PALS1: variants seen among roughly 807,000 people sequenced by gnomAD.
The protein encoded by PALS1 is protein associated with LIN7 1, MAGUK p55 family member, also known as protein PALS1.
In PALS1, 31 loss-of-function variants were observed where a neutral mutation model predicts 78.9. The ratio of observed to expected loss-of-function variants is 0.39; its 90% confidence interval spans 0.30 to 0.53. The LOEUF is 0.53. PALS1 is among the 20% of genes least tolerant of loss of function. PALS1 has a pLI of 0.67. For missense variants in PALS1, 704 were observed against 826.5 expected, an observed-to-expected ratio of 0.85 and a Z score of 1.82; for synonymous variants, 276 against 270.9, an observed-to-expected ratio of 1.02 and a Z score of -0.18.
rs2084540637 is a variant in PALS1 at position 67,278,322 on chromosome 14, C to T, written c.-153-696C>T. Among the ~76,000 whole-genome samples the T allele has an allele frequency of 2.0e-5, 3 of 151,652 alleles. No individual in the cohort carries two copies. In the South Asian group the frequency reaches 6.2e-4, roughly 32 times the overall value. On this transcript the variant is annotated intron_variant, in intron 2 of 14. Transcript: ENST00000261681. ...AAGTGCTGGGATTACAGGCGTGAGCCACTGCACCCGGCCCAATTCTTTTTT... is the reference window on the plus strand; with the variant it reads ...AAGTGCTGGGATTACAGGCGTGAGCTACTGCACCCGGCCCAATTCTTTTTT...
intron 8 of PALS1, among the ~76,000 whole-genome samples, chr14:67,309,876 T>C (rs990819730): frequency 6.6e-6 from 1 of 152,120 alleles, no homozygotes; most frequent in African/African-American, 2.4e-5. Context: ...AGAAAGTGAT[T>C]TGATAAAATT....
chr14:67,319,561 T>G (rs2085229836), intron 11 of PALS1, among the ~76,000 whole-genome samples: 1 of 150,380 alleles, frequency 6.6e-6, no homozygotes, highest in Non-Finnish European at 1.5e-5. Context: ...AGAAGAATAG[T>G]CTGGGGCCAC....
chr14:67,274,265 T>C (rs1020362507), intron 2 of PALS1, among the ~76,000 whole-genome samples: 1 of 152,228 alleles, frequency 6.6e-6, no homozygotes, highest in Non-Finnish European at 1.5e-5. Context: ...GGTCTAACAT[T>C]TAAGTCTTTA....
chr14:67,274,611 T>C (rs2084467476), intron 2 of PALS1, among the ~76,000 whole-genome samples: 1 of 152,334 alleles, frequency 6.6e-6, no homozygotes, highest in African/African-American at 2.4e-5. Flanking sequence ...GCGGGCTCTT[T>C]TTTGGTTCCA....
intron 1 of PALS1, among the ~76,000 whole-genome samples, chr14:67,263,335 A>G (rs17104174): frequency 3.3e-4 from 50 of 152,298 alleles, no homozygotes; most frequent in African/African-American, 1.2e-3. Flanking sequence ...ATGGTGAAGT[A>G]TGCAGTCCCC....
At chr14:67,298,449 A>G (rs2084888881) in intron 4 of PALS1, among the ~76,000 whole-genome samples, 1 of 151,754 alleles carries the variant, frequency 6.6e-6, no homozygotes, top group Admixed American at 6.6e-5. Flanking sequence ...CGGGAGGCGA[A>G]GGTTGCAGTG....
intron 1 of PALS1, among the ~76,000 whole-genome samples, chr14:67,254,030 C>A (rs1217133878): frequency 7.2e-6 from 1 of 139,778 alleles, no homozygotes; most frequent in Non-Finnish European, 1.5e-5. Flanking sequence ...ATTCATCCCC[C>A]CCCCCTTACA....
rs1388066635 is a variant in PALS1, at chr14:67,292,668, G to C, written c.525G>C (p.Lys175Asn). 1 of 1,613,550 alleles carries C rather than the reference G, an allele frequency of 6.2e-7. No individual in the cohort carries two copies. The highest frequency in any genetic ancestry group is 8.5e-7 in the Non-Finnish European group (1 of 1,179,762). ...ATGCCATCACAGTACACATGAACAA[G>C]GCCAGTCCTCCATTTCCTCTTATCT... ...IHNAITVHMN[K>N]ASPPFPLISN... The change falls in exon 4 of 15, where the codon AAG becomes AAC. Residue 175 changes from lysine to asparagine, a missense_variant. By Grantham distance (94) the Lys-to-Asn change is moderately conservative (BLOSUM62 0). Coordinates refer to ENST00000261681, the MANE Select transcript of PALS1 (RefSeq NM_022474.4).
At chr14:67,260,537 A>T (rs1236731325) in intron 1 of PALS1, among the ~76,000 whole-genome samples, 4 of 152,224 alleles carry the variant, frequency 2.6e-5, no homozygotes, top group African/African-American at 9.6e-5. Flanking sequence ...GCAAAGGCGT[A>T]GATTAAGTAC....
rs2085305900 is a variant in PALS1 at position 67,323,753 on chromosome 14, G to T, written c.1792G>T (p.Ala598Ser). 1 of 1,604,792 alleles carries T rather than the reference G, an allele frequency of 6.2e-7. No homozygotes were observed. Among genetic ancestry groups the T allele is most frequent in the African/African-American group, 1.4e-5 (1 of 74,062 alleles). ...TTTGAAACCATATATTATCTTCATT[G>T]CACCCCCTTCACAAGAAAGACTTCG... ...SDLKPYIIFI[A>S]PPSQERLRAL... is the part of the protein sequence containing the mutation. Residue 598 changes from alanine to serine, a missense_variant, in exon 14 of 15, where the codon GCA becomes TCA. Physicochemically the swap from Ala to Ser is moderately conservative, Grantham distance 99. Coordinates refer to ENST00000261681, the MANE Select transcript of PALS1 (RefSeq NM_022474.4).
At chr14:67,269,030 C>T (rs2084372429) in intron 1 of PALS1, among the ~76,000 whole-genome samples, 1 of 152,172 alleles carries the variant, frequency 6.6e-6, no homozygotes, top group African/African-American at 2.4e-5. Flanking sequence ...AATTCTCCCA[C>T]CCATTCACCC....
intron 14 of PALS1, among the ~76,000 whole-genome samples, chr14:67,325,590 A>ACT (rs2085340503): frequency 6.6e-6 from 1 of 152,204 alleles, no homozygotes. Context: ...TGTAAAATTT[A>ACT]GTGTCCAATA....
intron 14 of PALS1, among the ~76,000 whole-genome samples, chr14:67,331,682 A>G (rs1413474729): frequency 6.6e-6 from 1 of 152,194 alleles, no homozygotes; most frequent in African/African-American, 2.4e-5. Flanking sequence ...TTTTGGCACA[A>G]AATGGAATAA....
chr14:67,275,856 T>C (rs2084494711), intron 2 of PALS1, among the ~76,000 whole-genome samples: 1 of 152,216 alleles, frequency 6.6e-6, no homozygotes, highest in South Asian at 2.1e-4. Flanking sequence ...TGGGAGGGTA[T>C]ATGTGTCCAG....
At position 67,320,212 on chromosome 14, in the gene PALS1, A is replaced by G; in HGVS notation, c.1370-18A>G. 6.2e-7 allele frequency: 1 copy of G among 1,600,198 alleles called. No homozygotes were observed. Among genetic ancestry groups the G allele is most frequent in the Non-Finnish European group, 8.5e-7 (1 of 1,175,380 alleles). On this transcript the variant is annotated intron_variant, in intron 11 of 14. Transcript: ENST00000261681. The stretch of plus-strand genomic sequence containing the variant: ...GGCCATAATTTTGTTTGAAGAGCTT[A>G]ACTTTTTTTTCCCAAAGATTATGAC...
chr14:67,330,022 G>A (rs1202917020), intron 14 of PALS1, among the ~76,000 whole-genome samples: 2 of 150,992 alleles, frequency 1.3e-5, no homozygotes, highest in Admixed American at 6.6e-5. Flanking sequence ...TTTCTTGTAT[G>A]TATTGTTAAA....
chr14:67,330,138 AAATAAT>A lies in PALS1; in HGVS notation c.1852-2629_1852-2624del, dbSNP rs145800942. ...AAGACACAATCTGGAACCAGGAAAT[AAATAAT>A]AATAATAATAATTATTATTATTATT... On this transcript the variant is annotated intron_variant, in intron 14 of 14. Transcript: ENST00000261681. Among the ~76,000 whole-genome samples, 295 of 146,482 alleles carry A rather than the reference AAATAAT, an allele frequency of 2.0e-3. 2 individuals carry two copies. Among genetic ancestry groups the A allele is most frequent in the African/African-American group, 7.1e-3 (285 of 39,992 alleles).
In PALS1 at chr14:67,335,332, C is replaced by T. The variant is rs2085513674; in HGVS notation, c.*2376C>T. The T allele has an allele frequency of 6.6e-6, 1 of 152,206 alleles. No homozygotes were observed. The allele number at this position is 152,206 out of a possible 1,614,324, so 9.4% of individuals were successfully genotyped here. A position where few individuals can be genotyped will look rare whatever the true frequency, so the allele number is the denominator to read the frequency against. ...TGCTGTACACCTAGTTGTACAGCCA[C>T]TCTGGCCAATTCCATTTCCTGTCCC... On this transcript the variant is annotated 3_prime_UTR_variant, in exon 15 of 15. Transcript: ENST00000261681.
intron 8 of PALS1, among the ~76,000 whole-genome samples, chr14:67,304,329 A>G (rs2017143317): frequency 6.6e-6 from 1 of 152,354 alleles, no homozygotes; most frequent in East Asian, 1.9e-4. Flanking sequence ...ATATATTCAC[A>G]TAAGAATGTC....
Sources: gnomAD v4.1 joint callset for allele counts (sites outside exome capture counted in the v4.1 genomes callset) on GRCh38, gnomAD v4.1.1 for gene constraint, MANE v1.5 for transcripts, NCBI Gene and HGNC (gene_info 2026-07-23, HGNC 2026-07-21) for gene names.